The following PRPH2 variants were observed in gnomAD, a reference collection of about 807,000 sequenced individuals.
PRPH2 encodes peripherin-2.
PRPH2 carries 17 observed loss-of-function variants against 31.3 expected under a neutral mutation model. The ratio of observed to expected loss-of-function variants is 0.54; its 90% CI spans 0.37 to 0.81. The LOEUF (loss-of-function observed/expected upper bound fraction) is 0.81. PRPH2 is among the 40% of genes least tolerant of loss of function. PRPH2 has a pLI of 0.00. For missense variants in PRPH2, 430 were observed against 439.7 expected (o/e 0.98, Z 0.20); for synonymous variants, 165 against 184.4 (o/e 0.89, Z 0.85).
chr6:42,701,964 G>A (rs1283373119), intron 2 of PRPH2, among the ~76,000 whole-genome samples: 2 of 151,950 alleles, frequency 1.3e-5, no homozygotes, highest in Non-Finnish European at 2.9e-5. Flanking sequence ...GCTTCGGCTG[G>A]GCGCAGTGGC....
At chr6:42,708,164 G>A (rs565982047) in intron 1 of PRPH2, among the ~76,000 whole-genome samples, 67 of 152,300 alleles carry the variant, frequency 4.4e-4, no homozygotes, top group African/African-American at 1.1e-3. Context: ...AGCCCACCAC[G>A]CCATATCATA....
intron 2 of PRPH2, among the ~76,000 whole-genome samples, chr6:42,703,372 G>C (rs1251698572): frequency 2.0e-5 from 3 of 152,120 alleles, no homozygotes; most frequent in Non-Finnish European, 4.4e-5. Flanking sequence ...TAGACTAACA[G>C]GTAAATGAGG....
At chr6:42,717,459 C>T (rs190515219) in intron 1 of PRPH2, among the ~76,000 whole-genome samples, 58 of 151,990 alleles carry the variant, frequency 3.8e-4, no homozygotes, top group African/African-American at 1.4e-3. Flanking sequence ...GCCCTTTTGC[C>T]GGCCTCACCT....
At chr6:42,700,617 T>A (rs1327538125) in intron 2 of PRPH2, among the ~76,000 whole-genome samples, 1 of 152,196 alleles carries the variant, frequency 6.6e-6, no homozygotes, top group Admixed American at 6.5e-5. Flanking sequence ...AGTCACCTCC[T>A]CCATGAAGTC....
At position 42,717,215 on chromosome 6, in the gene PRPH2, C is replaced by A. The variant is rs1349080248; in HGVS notation, c.581+4539G>T. 6.0e-5 allele frequency among the ~76,000 whole-genome samples: 9 copies of A among 151,214 alleles called. No individual in the cohort carries two copies. In the South Asian group the frequency reaches 1.9e-3, roughly 32 times the overall value. ...ATCACTTGAGGTTAGGAGTTCAAGA[C>A]CAGCCTGGCCAACATGGTGAAACTC... On this transcript the variant is annotated intron_variant, in intron 1 of 2. Coordinates refer to ENST00000230381, the MANE Select transcript of PRPH2 (RefSeq NM_000322.5).
chr6:42,716,659 T>A (rs2152009109), intron 1 of PRPH2, among the ~76,000 whole-genome samples: 1 of 148,246 alleles, frequency 6.7e-6, no homozygotes, highest in African/African-American at 2.5e-5. Context: ...TCGCTCTTGT[T>A]GCCCAGGCTG....
chr6:42,715,069 C>T (rs1271211226), intron 1 of PRPH2, among the ~76,000 whole-genome samples: 2 of 151,888 alleles, frequency 1.3e-5, no homozygotes, highest in Admixed American at 6.6e-5. Flanking sequence ...ATTAGCCAGG[C>T]GTGCTGGCAC....
rs1799983757 is a variant in PRPH2 at position 42,698,312 on chromosome 6, C to T, written c.1024G>A (p.Ala342Thr). 1.2e-6 allele frequency: 2 copies of T among 1,613,806 alleles called. No individual in the cohort carries two copies. The highest frequency in any genetic ancestry group is 2.2e-5 in the South Asian group (2 of 91,076). ...CAGGGCCCTCAGCCAGCCTCTGGGG[C>T]CTGGCCTGCGTCTGCGCCCTCGGCT... ...VEAEGADAGQ[A>T]PEAG The change falls in exon 3 of 3, where the codon GCC (alanine) becomes ACC (threonine). Residue 342 changes from alanine to threonine, a missense_variant. Physicochemically the swap from Ala to Thr is moderately conservative, Grantham distance 58. Transcript: ENST00000230381.
chr6:42,721,365 G>C (rs1301407844), intron 1 of PRPH2, among the ~76,000 whole-genome samples: 2 of 152,204 alleles, frequency 1.3e-5, no homozygotes, highest in African/African-American at 4.8e-5. Context: ...TACTTTGAAT[G>C]AATGGGACAA....
chr6:42,703,991 T>G (rs955703901), intron 2 of PRPH2, among the ~76,000 whole-genome samples: 1 of 151,594 alleles, frequency 6.6e-6, no homozygotes, highest in African/African-American at 2.4e-5. Flanking sequence ...GTCCCAGCTA[T>G]CGGGAGGCTG....
chr6:42,705,599 A>AAAAAAAAATATATAT (rs1562424252), intron 1 of PRPH2, among the ~76,000 whole-genome samples: 16 of 21,476 alleles, frequency 7.5e-4, no homozygotes, highest in Non-Finnish European at 9.3e-4. Flanking sequence ...AAAAAAAAAA[A>AAAAAAAAATATATAT]ATATATATAT....
chr6:42,716,398 T>A (rs1201933105), intron 1 of PRPH2, among the ~76,000 whole-genome samples: 1 of 150,438 alleles, frequency 6.6e-6, no homozygotes, highest in Non-Finnish European at 1.5e-5. Flanking sequence ...TATCTCTATT[T>A]TTTTTTTTTA....
chr6:42,698,058 A>C lies in PRPH2; in HGVS notation c.*237T>G, dbSNP rs1799977360. 1.7e-6 allele frequency: 1 copy of C among 575,660 alleles called. No individual in the cohort carries two copies. The highest frequency in any genetic ancestry group is 3.0e-6 in the Non-Finnish European group (1 of 328,812). 35.7% of individuals were successfully genotyped at this position (575,660 alleles called of 1,614,324 possible). The stretch of plus-strand genomic sequence containing the variant: ...GGCATATCCTAGGGCAGCGGGCCTG[A>C]AGGGAGCTTCACTCACATTCACATT... On this transcript the variant is annotated 3_prime_UTR_variant, in exon 3 of 3. Coordinates refer to ENST00000230381, the MANE Select transcript of PRPH2 (RefSeq NM_000322.5).
At chr6:42,706,092 G>C (rs1381680994) in intron 1 of PRPH2, among the ~76,000 whole-genome samples, 1 of 151,972 alleles carries the variant, frequency 6.6e-6, no homozygotes, top group African/African-American at 2.4e-5. Flanking sequence ...GCAACATGGT[G>C]AAACCTCATC....
rs145765747 is a variant in PRPH2, at chr6:42,716,612, G to GTTT, written c.581+5139_581+5141dup. ...TTTTTTGTTTGGTTTGGTTTGGTTGGTTTTTTTTTTTTTTTTTTTTTTTTT... is the reference window on the plus strand; with the variant it reads ...TTTTTTGTTTGGTTTGGTTTGGTTGGTTTTTTTTTTTTTTTTTTTTTTTTTTTT... On this transcript the variant is annotated intron_variant, in intron 1 of 2. Coordinates refer to ENST00000230381, the MANE Select transcript of PRPH2 (RefSeq NM_000322.5). 2.0e-3 allele frequency among the ~76,000 whole-genome samples: 218 copies of GTTT among 111,498 alleles called. 2 individuals are homozygous for GTTT. Among genetic ancestry groups the GTTT allele is most frequent in the African/African-American group, 5.5e-3 (162 of 29,318 alleles). The allele number at this position is 111,498 out of a possible 152,430, so 73.1% of individuals were successfully genotyped here. A position where few individuals can be genotyped will look rare whatever the true frequency, so the allele number is the denominator to read the frequency against.
chr6:42,704,744 C>T, intron 1 of PRPH2, 133 bp from the exon 2 acceptor site: 3 of 1,334,996 alleles, frequency 2.2e-6, no homozygotes, highest in Admixed American at 1.8e-5. Flanking sequence ...GCTGTGCGCC[C>T]GCTACGTGCC....
chr6:42,708,800 T>G (rs768463875), intron 1 of PRPH2, among the ~76,000 whole-genome samples: 3 of 152,230 alleles, frequency 2.0e-5, no homozygotes, highest in Non-Finnish European at 2.9e-5. Flanking sequence ...GCTTAAACTC[T>G]GTGGACCTGC....
intron 1 of PRPH2, among the ~76,000 whole-genome samples, chr6:42,712,356 A>G (rs930848575): frequency 2.0e-5 from 3 of 152,222 alleles, no homozygotes; most frequent in East Asian, 1.9e-4. Context: ...ATTGATTGAT[A>G]TTGCCATTAA....
chr6:42,713,221 T>C (rs1272724055), intron 1 of PRPH2, among the ~76,000 whole-genome samples: 1 of 137,678 alleles, frequency 7.3e-6, no homozygotes, highest in East Asian at 2.0e-4. Flanking sequence ...TGAAACTCCA[T>C]CTCAAAAAAA....
Sources: gnomAD v4.1 joint callset for allele counts (sites outside exome capture counted in the v4.1 genomes callset) on GRCh38, gnomAD v4.1.1 for gene constraint, MANE v1.5 for transcripts, NCBI Gene and HGNC (gene_info 2026-07-23, HGNC 2026-07-21) for gene names.